Variants in PRELID2 observed in about 807,000 individuals in gnomAD.
PRELID2 encodes the protein PRELI domain-containing protein 2.
PRELID2 carries 25 observed loss-of-function variants against 28.4 expected under a neutral mutation model. That is an observed-to-expected ratio of 0.88 (90% CI 0.64 to 1.23). The LOEUF (loss-of-function observed/expected upper bound fraction) is 1.23, where lower values mean the gene tolerates loss of function less well. PRELID2 is among the 50% of genes most tolerant of loss of function. PRELID2 has a pLI of 0.00. For missense variants in PRELID2, 201 were observed against 214.4 expected (o/e 0.94, Z 0.39); for synonymous variants, 76 against 71.6 (o/e 1.06, Z -0.31).
intron 1 of PRELID2, among the ~76,000 whole-genome samples, chr5:145,488,385 A>C (rs1198183807): frequency 6.6e-6 from 1 of 152,022 alleles, no homozygotes. Context: ...TCCTGCAGCA[A>C]CTCCGTGGAA....
At chr5:145,435,765 G>A in the PRELID2 span, among the ~76,000 whole-genome samples, 1 of 152,132 alleles carries the variant, frequency 6.6e-6, no homozygotes, top group African/African-American at 2.4e-5. Flanking sequence ...TTGTGGGCCA[G>A]AAAGGCAGTG....
At chr5:145,771,030 C>G (rs1464328868) in intron 5 of PRELID2, among the ~76,000 whole-genome samples, 4 of 152,106 alleles carry the variant, frequency 2.6e-5, no homozygotes, top group Non-Finnish European at 5.9e-5. Context: ...AAGTCCCATG[C>G]CTTCCTACTC....
the PRELID2 span, among the ~76,000 whole-genome samples, chr5:145,416,730 C>A: frequency 2.5e-3 from 381 of 151,956 alleles, 4 homozygotes; most frequent in African/African-American, 8.1e-3. Flanking sequence ...AACATCACAG[C>A]TAAAAGAACT....
intron 1 of PRELID2, among the ~76,000 whole-genome samples, chr5:145,690,814 C>T (rs1421446211): frequency 6.6e-6 from 1 of 152,188 alleles, no homozygotes. Context: ...ATAACCTTTC[C>T]TTGCCCTGCT....
chr5:145,412,700 C>A, the PRELID2 span, among the ~76,000 whole-genome samples: 4 of 152,160 alleles, frequency 2.6e-5, no homozygotes, highest in Non-Finnish European at 4.4e-5. Context: ...AGCAGCTCCC[C>A]ACTCCTGGTA....
intron 5 of PRELID2, chr5:145,795,105 T>C (rs956315200): frequency 6.6e-6 from 1 of 152,162 alleles, no homozygotes; most frequent in Non-Finnish European, 1.5e-5. Flanking sequence ...ATTACTATTA[T>C]CATCATACAG....
At chr5:145,531,109 C>G (rs1250646104) in intron 1 of PRELID2, among the ~76,000 whole-genome samples, 1 of 152,126 alleles carries the variant, frequency 6.6e-6, no homozygotes, top group Admixed American at 6.6e-5. Context: ...CCTGAGAGGG[C>G]TCTTTGATCT....
chr5:145,634,051 AC>A (rs763448494), intron 1 of PRELID2, among the ~76,000 whole-genome samples: 2 of 152,164 alleles, frequency 1.3e-5, no homozygotes, highest in Admixed American at 6.5e-5. Context: ...GCAACCAAGT[AC>A]ATTCTGCACA....
At chr5:145,824,012 C>A (rs1206372853) in intron 1 of PRELID2, among the ~76,000 whole-genome samples, 1 of 152,064 alleles carries the variant, frequency 6.6e-6, no homozygotes, top group African/African-American at 2.4e-5. Flanking sequence ...AATTTACCCC[C>A]GATACTTTCT....
the PRELID2 span, among the ~76,000 whole-genome samples, chr5:145,409,746 T>C: frequency 8.3e-6 from 1 of 120,824 alleles, no homozygotes; most frequent in Admixed American, 8.9e-5. Flanking sequence ...ACCCCATCTC[T>C]ACTGAAAAAA....
intron 1 of PRELID2, among the ~76,000 whole-genome samples, chr5:145,512,075 A>C (rs1200948658): frequency 6.6e-6 from 1 of 152,176 alleles, no homozygotes; most frequent in Non-Finnish European, 1.5e-5. Flanking sequence ...CTAGGTCTCT[A>C]ACTTGGTACA....
the PRELID2 span, among the ~76,000 whole-genome samples, chr5:145,259,406 A>T: frequency 1.3e-5 from 2 of 152,162 alleles, no homozygotes; most frequent in Non-Finnish European, 2.9e-5. Flanking sequence ...AATTAGCACC[A>T]GGGGCTGAAC....
intron 1 of PRELID2, among the ~76,000 whole-genome samples, chr5:145,632,003 T>C (rs971642697): frequency 6.6e-6 from 1 of 152,174 alleles, no homozygotes. Context: ...CTAATTGCAC[T>C]ATTTAAAATA....
chr5:145,316,051 C>T, the PRELID2 span, among the ~76,000 whole-genome samples: 1 of 152,212 alleles, frequency 6.6e-6, no homozygotes, highest in East Asian at 1.9e-4. Context: ...TGCTGTGTTT[C>T]TCTTTCTATC....
chr5:145,331,368 G>A, the PRELID2 span, among the ~76,000 whole-genome samples: 4 of 152,118 alleles, frequency 2.6e-5, no homozygotes, highest in African/African-American at 9.7e-5. Flanking sequence ...TTGACAGTGG[G>A]ATCTTAAAGT....
chr5:145,769,379 T>C (rs1757966910), intron 5 of PRELID2, among the ~76,000 whole-genome samples: 1 of 152,168 alleles, frequency 6.6e-6, no homozygotes, highest in African/African-American at 2.4e-5. Flanking sequence ...TTCTAAACAC[T>C]TCACAAATTC....
intron 1 of PRELID2, among the ~76,000 whole-genome samples, chr5:145,669,124 G>C (rs1754654310): frequency 6.6e-6 from 1 of 152,122 alleles, no homozygotes; most frequent in Non-Finnish European, 1.5e-5. Context: ...CTTAGGAAAA[G>C]ATAGAGAATT....
At chr5:145,620,535 A>G (rs1202934287) in intron 1 of PRELID2, among the ~76,000 whole-genome samples, 2 of 152,146 alleles carry the variant, frequency 1.3e-5, no homozygotes, top group Non-Finnish European at 2.9e-5. Context: ...CCTCCTCTCA[A>G]TTTTACTTTA....
intron 1 of PRELID2, among the ~76,000 whole-genome samples, chr5:145,514,575 A>T (rs907425240): frequency 6.6e-6 from 1 of 152,198 alleles, no homozygotes; most frequent in African/African-American, 2.4e-5. Context: ...CACTGTCAAT[A>T]TTAGACAGAT....
Sources: gnomAD v4.1 joint callset for allele counts (sites outside exome capture counted in the v4.1 genomes callset) on GRCh38, gnomAD v4.1.1 for gene constraint, MANE v1.5 for transcripts, NCBI Gene and HGNC (gene_info 2026-07-23, HGNC 2026-07-21) for gene names.